C7orf57: variants seen among roughly 807,000 people sequenced by gnomAD.
The protein encoded by C7orf57 is uncharacterized protein C7orf57.
A neutral mutation model predicts 39.0 loss-of-function variants in C7orf57; 33 were observed. The ratio of observed to expected loss-of-function variants is 0.85; its 90% CI spans 0.64 to 1.13. The LOEUF is 1.13. C7orf57 is among the 50% of genes most tolerant of loss of function. The pLI, the probability that C7orf57 is intolerant of heterozygous loss-of-function variation, is 0.00. For missense variants in C7orf57, 346 were observed against 362.3 expected (o/e 0.95, Z 0.37); for synonymous variants, 124 against 137.1 (o/e 0.90, Z 0.67).
chr7:48,052,763 TGA>T lies in C7orf57; in HGVS notation c.671_672del (p.Glu224ValfsTer9). The T allele has an allele frequency of 6.2e-7, 1 of 1,614,028 alleles. No homozygotes were observed. The highest frequency in any genetic ancestry group is 8.5e-7 in the Non-Finnish European group (1 of 1,179,898). On this transcript the variant is annotated frameshift_variant, in exon 7 of 9. Coordinates refer to ENST00000348904, the MANE Select transcript of C7orf57 (RefSeq NM_001100159.3). LOFTEE classifies it high-confidence loss of function. ...SKLISNGYKDEWLQQQQRADS... is the reference protein window; with the variant it reads ...SKLISNGYKDXWLQQQQRADS... ...AACTCATTAGCAATGGTTATAAGGA[TGA>T]GTGGTTGCAGCAGCAGCAGCGAGCT...
chr7:48,041,470 AG>A lies in C7orf57; in HGVS notation c.193del (p.Glu65LysfsTer7). ...CTGGGACTCGGAGATACTGGATAAAAGAAACAGATTCGGAATATGTGAAGCT... is the reference window on the plus strand; with the variant it reads ...CTGGGACTCGGAGATACTGGATAAAAAAACAGATTCGGAATATGTGAAGCT... ...LPGTRRYWIK[E>X]TDSEYVKLAK... On this transcript the variant is annotated frameshift_variant, in exon 3 of 9. Transcript: ENST00000348904. LOFTEE classifies it high-confidence loss of function. 2.5e-6 allele frequency: 4 copies of A among 1,613,726 alleles called. No homozygotes were observed. Among genetic ancestry groups the A allele is most frequent in the East Asian group, 2.2e-5 (1 of 44,880 alleles).
intron 8 of C7orf57, among the ~76,000 whole-genome samples, chr7:48,058,591 C>T (rs1204086587): frequency 6.6e-6 from 1 of 151,482 alleles, no homozygotes; most frequent in African/African-American, 2.4e-5. Context: ...TTCTTTTTTC[C>T]TCTCTTAGTC....
At chr7:48,058,953 C>G (rs962043096) in intron 8 of C7orf57, among the ~76,000 whole-genome samples, 16 of 152,242 alleles carry the variant, frequency 1.1e-4, no homozygotes, top group Middle Eastern at 3.4e-3. Context: ...TTTGAAGAAA[C>G]CTTTTAACGT....
At chr7:48,041,264 C>T in intron 2 of C7orf57, 70 bp from the exon 3 acceptor site, 4 of 1,409,836 alleles carry the variant, frequency 2.8e-6, no homozygotes, top group Non-Finnish European at 3.9e-6. Context: ...CATAGAGATA[C>T]TCTGGTAGAG....
rs776630651 is a variant in C7orf57, at chr7:48,046,454, T to C, written c.351-6T>C. The C allele has an allele frequency of 6.2e-7, 1 of 1,612,120 alleles. No homozygotes were observed. The highest frequency in any genetic ancestry group is 1.7e-5 in the Admixed American group (1 of 59,822). On this transcript the variant is annotated splice_region_variant and splice_polypyrimidine_tract_variant and intron_variant, in intron 4 of 8. Transcript: ENST00000348904. ...ACCAGGCTGTAACTGGTGTCTGTCCTTGCAGAGTGCGGGCTGTCTCCATGC... is the reference window on the plus strand; with the variant it reads ...ACCAGGCTGTAACTGGTGTCTGTCCCTGCAGAGTGCGGGCTGTCTCCATGC...
intron 8 of C7orf57, among the ~76,000 whole-genome samples, chr7:48,058,941 A>G (rs1015443518): frequency 6.6e-6 from 1 of 152,228 alleles, no homozygotes; most frequent in African/African-American, 2.4e-5. Context: ...GATCTGTTCA[A>G]TTTTGAAGAA....
rs71006544 is a variant in C7orf57, at chr7:48,037,749, C to CTG, written c.55+1405_55+1406dup. On this transcript the variant is annotated intron_variant, in intron 2 of 8. Coordinates refer to ENST00000348904, the MANE Select transcript of C7orf57 (RefSeq NM_001100159.3). ...GATAACTCTTAGTCCCTTTAACCCTCTGTGTGTGTGTGTGTGTGTGCGCGC... is the reference window on the plus strand; with the variant it reads ...GATAACTCTTAGTCCCTTTAACCCTCTGTGTGTGTGTGTGTGTGTGTGCGCGC... 2.1e-3 allele frequency among the ~76,000 whole-genome samples: 319 copies of CTG among 150,674 alleles called. 3 individuals carry two copies. The highest frequency in any genetic ancestry group is 0.011 in the East Asian group (55 of 5,118).
chr7:48,049,687 T>C (rs922308256), intron 5 of C7orf57, among the ~76,000 whole-genome samples, 193 bp from the exon 6 acceptor site: 48 of 152,228 alleles, frequency 3.2e-4, no homozygotes, highest in African/African-American at 9.2e-4. Flanking sequence ...TTTGAGTTAG[T>C]GATAGTCCCT....
In C7orf57 at chr7:48,051,743, CT is replaced by C. The variant is rs768839910; in HGVS notation, c.606-952del. Among the ~76,000 whole-genome samples the C allele has an allele frequency of 5.0e-3, 239 of 47,398 alleles. 17 individuals carry two copies. The highest frequency in any genetic ancestry group is 0.018 in the South Asian group (20 of 1,142). The allele number at this position is 47,398 out of a possible 152,430, so 31.1% of individuals were successfully genotyped here. A position where few individuals can be genotyped will look rare whatever the true frequency, so the allele number is the denominator to read the frequency against. On this transcript the variant is annotated intron_variant, in intron 6 of 8. Coordinates refer to ENST00000348904, the MANE Select transcript of C7orf57 (RefSeq NM_001100159.3). ...CTTTCTTTCTCTTTTTCTTTTCTTT[CT>C]TTTTCTTTTCTTTCTTTCTTTCTTT... is the stretch of plus-strand genomic sequence containing the variant.
chr7:48,048,184 A>G (rs1473334147), intron 5 of C7orf57, among the ~76,000 whole-genome samples: 1 of 152,216 alleles, frequency 6.6e-6, no homozygotes, highest in Non-Finnish European at 1.5e-5. Flanking sequence ...TTTAACAGGT[A>G]GAGGGACATG....
At chr7:48,057,472 G>A (rs1359872465) in intron 8 of C7orf57, among the ~76,000 whole-genome samples, 4 of 151,960 alleles carry the variant, frequency 2.6e-5, no homozygotes, top group Non-Finnish European at 5.9e-5. Context: ...TGATTTTGTA[G>A]CCTGCAACTT....
intron 5 of C7orf57, among the ~76,000 whole-genome samples, chr7:48,049,017 C>T (rs543081077): frequency 3.9e-5 from 6 of 152,168 alleles, no homozygotes; most frequent in East Asian, 3.9e-4. Flanking sequence ...ATGCCAGGCC[C>T]GAGTTAACCC....
At chr7:48,050,413 T>C (rs1045965102) in intron 6 of C7orf57, among the ~76,000 whole-genome samples, 1 of 152,196 alleles carries the variant, frequency 6.6e-6, no homozygotes, top group Non-Finnish European at 1.5e-5. Context: ...TTGGAAGATA[T>C]AGCAGACACA....
chr7:48,035,587 G>T lies in C7orf57; in HGVS notation c.-145G>T, dbSNP rs1301248519. 8.6e-6 allele frequency: 6 copies of T among 695,682 alleles called. No homozygotes were observed. In the Admixed American group the frequency reaches 1.2e-4, roughly 14 times the overall value. 43.1% of individuals were successfully genotyped at this position (695,682 alleles called of 1,614,324 possible). A position where few individuals can be genotyped will look rare whatever the true frequency, so the allele number is the denominator to read the frequency against. On this transcript the variant is annotated 5_prime_UTR_variant, in exon 1 of 9. Transcript: ENST00000348904. This position sits in a 1 kb window ranked among gnomAD's most constrained non-coding sequence, Gnocchi z 4.0. ...CAGCCAGCCGTGTAAAAACTCCAAC[G>T]CCGGGCGCCGCGGGCAGCACCCACG...
chr7:48,042,723 T>C (rs1236422278), intron 3 of C7orf57, among the ~76,000 whole-genome samples: 1 of 151,878 alleles, frequency 6.6e-6, no homozygotes, highest in Non-Finnish European at 1.5e-5. Context: ...TTCTTACTGA[T>C]AGTAATAGGT....
chr7:48,051,858 T>TCTTTCTTTCTTTCTTTCTTTC (rs1790946214), intron 6 of C7orf57, among the ~76,000 whole-genome samples: 1 of 87,818 alleles, frequency 1.1e-5, no homozygotes, highest in East Asian at 2.5e-4. Context: ...TTTCTTTCTT[T>TCTTTCTTTCTTTCTTTCTTTC]CTTTCTTTCT....
intron 2 of C7orf57, among the ~76,000 whole-genome samples, chr7:48,037,909 GAGA>G (rs1361526685): frequency 3.3e-5 from 5 of 152,126 alleles, no homozygotes; most frequent in African/African-American, 1.2e-4. Context: ...TTCCAGTAAT[GAGA>G]AGAAGGTAGA....
chr7:48,054,395 C>T (rs937458637), intron 7 of C7orf57, among the ~76,000 whole-genome samples, 200 bp from the exon 8 acceptor site: 1 of 93,276 alleles, frequency 1.1e-5, no homozygotes. Context: ...GCCTGGGCAA[C>T]AAGAGGGAAA....
In C7orf57 at chr7:48,035,777, G is replaced by A. The variant is rs1326515601; in HGVS notation, c.-102+147G>A. On this transcript the variant is annotated intron_variant, in intron 1 of 8. Coordinates refer to ENST00000348904, the MANE Select transcript of C7orf57 (RefSeq NM_001100159.3). The surrounding 1 kb of genome is among the most constrained non-coding windows in gnomAD (Gnocchi z 4.0). The stretch of plus-strand genomic sequence containing the variant: ...CGCCGGGTTGGGATGAGCACAGGGC[G>A]GGATCTCCAAGCCTGCCCAAGTCCC... 2 of 583,308 alleles carry A rather than the reference G, an allele frequency of 3.4e-6. No individual in the cohort carries two copies. The highest frequency in any genetic ancestry group is 6.1e-6 in the Non-Finnish European group (2 of 329,990). 36.1% of individuals were successfully genotyped at this position (583,308 alleles called of 1,614,324 possible).
Sources: allele counts gnomAD v4.1 joint callset (sites outside exome capture counted in the v4.1 genomes callset), GRCh38; gene constraint gnomAD v4.1.1; non-coding constraint Gnocchi (gnomAD v3.1); transcripts MANE v1.5; gene names NCBI Gene and HGNC (gene_info 2026-07-23, HGNC 2026-07-21).